Variants in IQSEC1 observed in about 807,000 individuals in gnomAD.
The protein encoded by IQSEC1 is IQ motif and SEC7 domain-containing protein 1.
A neutral mutation model predicts 91.0 loss-of-function variants in IQSEC1; 31 were observed. The observed-to-expected ratio is 0.34, with a 90% CI of 0.26 to 0.46. IQSEC1 has a LOEUF of 0.46. IQSEC1 is among the 20% of genes least tolerant of loss of function. The pLI is 1.00. For missense variants in IQSEC1, 1,388 were observed against 1,575.6 expected (o/e 0.88, Z 2.02); for synonymous variants, 699 against 662.6 (o/e 1.05, Z -0.84).
intron 2 of IQSEC1, among the ~76,000 whole-genome samples, chr3:13,111,189 C>A (rs573222126): frequency 6.6e-6 from 1 of 152,218 alleles, no homozygotes; most frequent in African/African-American, 2.4e-5. Flanking sequence ...TCCTGACTTA[C>A]GTTTTCTGAT....
intron 12 of IQSEC1, among the ~76,000 whole-genome samples, chr3:12,905,257 G>A (rs1459974584): frequency 6.6e-6 from 1 of 152,232 alleles, no homozygotes; most frequent in Non-Finnish European, 1.5e-5. Flanking sequence ...TTCTTGAAGG[G>A]CTCCCAGGAT....
Position 13,223,714 on chromosome 3 carries a change from T to G in IQSEC1, c.272+58997A>C, listed in dbSNP as rs549679032. 6.4e-4 allele frequency among the ~76,000 whole-genome samples: 98 copies of G among 152,222 alleles called. 2 individuals carry two copies. Among genetic ancestry groups the G allele is most frequent in the African/African-American group, 2.2e-3 (91 of 41,520 alleles). ...GGGACCGCGGCGTCTGCAGAGGAAG[T>G]CAAAGCAAAGGCATTAGCAGGAAGA... On this transcript the variant is annotated intron_variant, in intron 1 of 15. Coordinates refer to the IQSEC1 transcript ENST00000648114.
chr3:12,933,527 T>C (rs1697893351), intron 3 of IQSEC1, among the ~76,000 whole-genome samples: 1 of 152,248 alleles, frequency 6.6e-6, no homozygotes, highest in Non-Finnish European at 1.5e-5. Flanking sequence ...CGTCCTGCTT[T>C]CAGCACTTCA....
chr3:13,118,365 T>A (rs1299348351), intron 2 of IQSEC1, among the ~76,000 whole-genome samples: 2 of 152,228 alleles, frequency 1.3e-5, no homozygotes, highest in Non-Finnish European at 2.9e-5. Context: ...CACACACATG[T>A]TCATAACAGC....
chr3:13,155,840 C>G (rs568880520), intron 2 of IQSEC1, among the ~76,000 whole-genome samples: 2 of 152,130 alleles, frequency 1.3e-5, no homozygotes, highest in African/African-American at 4.8e-5. Flanking sequence ...GTAATGCATA[C>G]CAGAATTAAG....
intron 1 of IQSEC1, among the ~76,000 whole-genome samples, chr3:13,239,671 C>A (rs1053205647): frequency 1.3e-5 from 2 of 152,262 alleles, no homozygotes; most frequent in Non-Finnish European, 1.5e-5. Context: ...CGGAGCCCAC[C>A]CACAGGGGTT....
rs940697097 is a variant in IQSEC1 at position 12,899,563 on chromosome 3, G to A, written c.*1420C>T. 29 of 1,494,380 alleles carry A rather than the reference G, an allele frequency of 1.9e-5. No individual in the cohort carries two copies. The African/African-American group carries it at 2.9e-4, about 15-fold the overall frequency. The allele number at this position is 1,494,380 out of a possible 1,614,324, so 92.6% of individuals were successfully genotyped here. The stretch of plus-strand genomic sequence containing the variant: ...CAGCTGAGAGTCATGTGATGCCCTG[G>A]CAGCTCACTGGACCATGGGAAGGCA... On this transcript the variant is annotated 3_prime_UTR_variant, in exon 14 of 14. Coordinates refer to ENST00000613206, the MANE Select transcript of IQSEC1 (RefSeq NM_001134382.3).
At chr3:13,204,426 A>G (rs1694303402) in intron 1 of IQSEC1, among the ~76,000 whole-genome samples, 1 of 152,252 alleles carries the variant, frequency 6.6e-6, no homozygotes, top group African/African-American at 2.4e-5. Context: ...TCTTCAGAGC[A>G]CTGTCGCACT....
At chr3:13,076,131 C>A (rs558696985), upstream of IQSEC1, among the ~76,000 whole-genome samples, 26 of 152,330 alleles carry the variant, frequency 1.7e-4, no homozygotes, top group Non-Finnish European at 3.7e-4. Context: ...GAGTGGGAAG[C>A]AGGGGCAGCC....
chr3:13,219,488 C>T (rs1323455557), intron 1 of IQSEC1, among the ~76,000 whole-genome samples: 1 of 152,242 alleles, frequency 6.6e-6, no homozygotes, highest in Non-Finnish European at 1.5e-5. Flanking sequence ...TGTGCCCCCA[C>T]CCCCGGCGGG....
chr3:13,085,134 G>T (rs1705714131), intron 2 of IQSEC1, among the ~76,000 whole-genome samples: 1 of 152,134 alleles, frequency 6.6e-6, no homozygotes, highest in Non-Finnish European at 1.5e-5. Flanking sequence ...CTCCTCGGAT[G>T]CCCCAAACAG....
chr3:13,140,516 T>G (rs1706782874), intron 2 of IQSEC1, among the ~76,000 whole-genome samples: 1 of 152,032 alleles, frequency 6.6e-6, no homozygotes, highest in African/African-American at 2.4e-5. Flanking sequence ...ATCTCACTGG[T>G]GAGGAGTATG....
At chr3:12,939,959 A>G (rs1008695909) in intron 2 of IQSEC1, among the ~76,000 whole-genome samples, 2 of 152,182 alleles carry the variant, frequency 1.3e-5, no homozygotes, top group Non-Finnish European at 2.9e-5. Context: ...CACCCAACAC[A>G]GTGTCTGGTG....
At chr3:13,023,726 C>T (rs774608028) in intron 1 of IQSEC1, among the ~76,000 whole-genome samples, 2 of 152,192 alleles carry the variant, frequency 1.3e-5, no homozygotes, top group Non-Finnish European at 1.5e-5. Flanking sequence ...ATCCCCTGAG[C>T]CAGGAAAGAA....
At chr3:12,913,577 C>T (rs1036535520) in intron 8 of IQSEC1, 24 bp from the exon 9 acceptor site, 5 of 1,590,742 alleles carry the variant, frequency 3.1e-6, no homozygotes, top group Admixed American at 3.4e-5. Flanking sequence ...GGCTGTCCTG[C>T]CACGGCCGCC....
intron 2 of IQSEC1, among the ~76,000 whole-genome samples, chr3:13,138,032 C>T (rs1396824610): frequency 2.0e-5 from 3 of 152,148 alleles, no homozygotes; most frequent in Non-Finnish European, 2.9e-5. Flanking sequence ...TGGCCAGAGA[C>T]GCAGGCAGAG....
upstream of IQSEC1, among the ~76,000 whole-genome samples, chr3:13,075,588 ACTT>A (rs1297911626): frequency 2.6e-5 from 4 of 152,328 alleles, no homozygotes; most frequent in South Asian, 6.2e-4. Context: ...CTTCTTCAGC[ACTT>A]CTTCTTATAA....
chr3:13,264,915 C>T, intron 1 of IQSEC1, among the ~76,000 whole-genome samples: 1 of 151,822 alleles, frequency 6.6e-6, no homozygotes. Flanking sequence ...TGTGTCTCTC[C>T]CTCTCTCTTT....
intron 1 of IQSEC1, among the ~76,000 whole-genome samples, chr3:13,204,470 C>T (rs532073032): frequency 6.6e-6 from 1 of 152,396 alleles, no homozygotes; most frequent in South Asian, 2.1e-4. Flanking sequence ...GCAGGAGCTG[C>T]TCTTAACCTT....
Sources: allele counts gnomAD v4.1 joint callset (sites outside exome capture counted in the v4.1 genomes callset), GRCh38; gene constraint gnomAD v4.1.1; transcripts MANE v1.5; gene names NCBI Gene and HGNC (gene_info 2026-07-23, HGNC 2026-07-21).